OPTC: variants seen among roughly 807,000 people sequenced by gnomAD.
The protein encoded by OPTC is opticin, also known as oculoglycan.
A neutral mutation model predicts 25.4 loss-of-function variants in OPTC; 22 were observed. The observed-to-expected ratio is 0.87, with a 90% CI of 0.62 to 1.24. OPTC has a LOEUF of 1.24. Ranked by LOEUF, OPTC falls within the 50% of genes most tolerant of loss-of-function variation. The pLI, the probability that OPTC is intolerant of heterozygous loss-of-function variation, is 0.00. For missense variants in OPTC, 417 were observed against 425.2 expected (o/e 0.98, Z 0.17); for synonymous variants, 169 against 179.3 (o/e 0.94, Z 0.46).
In OPTC at chr1:203,498,676, G is replaced by T. The variant is rs542443235; in HGVS notation, c.371-5G>T. On this transcript the variant is annotated splice_region_variant and splice_polypyrimidine_tract_variant and intron_variant, in intron 3 of 7. Coordinates refer to ENST00000367222, the MANE Select transcript of OPTC (RefSeq NM_014359.4). ...TCCCTTTGTTCTGTCTTCCACCTGG[G>T]CCAGGTCTGCCCACCTGCCTGGTCT... 3.1e-6 allele frequency: 5 copies of T among 1,614,164 alleles called. No homozygotes were observed. The South Asian group carries it at 5.5e-5, about 18-fold the overall frequency.
chr1:203,497,723 T>C (rs1193955217), intron 3 of OPTC, among the ~76,000 whole-genome samples: 2 of 152,124 alleles, frequency 1.3e-5, no homozygotes, highest in African/African-American at 4.8e-5. Flanking sequence ...GATGTTTGCC[T>C]TGGGTGGACC....
chr1:203,496,723 G>C (rs1661287214), intron 2 of OPTC, among the ~76,000 whole-genome samples: 1 of 152,038 alleles, frequency 6.6e-6, no homozygotes. Flanking sequence ...TCTCTGCCTT[G>C]ACCACCTGCT....
At chr1:203,495,897 G>C (rs1315466132) in intron 1 of OPTC, 68 bp from the exon 2 acceptor site, 9 of 759,292 alleles carry the variant, frequency 1.2e-5, no homozygotes, top group Non-Finnish European at 2.1e-5. Flanking sequence ...AAATCTGCGA[G>C]CCATTCCCAC....
Position 203,496,224 on chromosome 1 carries a change from C to G in OPTC, c.219C>G (p.Asp73Glu). Reference protein sequence around the residue: ...SNYEELTDYGDQLPEVKVTSL... With the variant: ...SNYEELTDYGEQLPEVKVTSL... ...ATGAGGAGCTCACAGATTATGGGGACCAACTCCCCGAGGTGAGGGACACAG... is the reference window on the plus strand; with the variant it reads ...ATGAGGAGCTCACAGATTATGGGGAGCAACTCCCCGAGGTGAGGGACACAG... Residue 73 changes from aspartate to glutamate, a missense_variant, in exon 2 of 8, where the codon GAC becomes GAG. Transcript: ENST00000367222. 5 of 1,612,392 alleles carry G rather than the reference C, an allele frequency of 3.1e-6. No homozygotes were observed. The highest frequency in any genetic ancestry group is 4.2e-6 in the Non-Finnish European group (5 of 1,178,504).
intron 2 of OPTC, 34 bp downstream of exon 2, chr1:203,496,270 C>A: frequency 6.8e-7 from 1 of 1,477,580 alleles, no homozygotes; most frequent in Non-Finnish European, 9.5e-7. Flanking sequence ...ACATTCCCTG[C>A]ATGACACTGG....
intron 7 of OPTC, among the ~76,000 whole-genome samples, chr1:203,505,943 T>G (rs1571603261): frequency 7.4e-6 from 1 of 134,786 alleles, no homozygotes; most frequent in African/African-American, 2.7e-5. Flanking sequence ...TGTCTCTCTC[T>G]CTCTCAGAGT....
At chr1:203,503,239 C>T (rs1661420753) in intron 6 of OPTC, among the ~76,000 whole-genome samples, 2 of 152,176 alleles carry the variant, frequency 1.3e-5, no homozygotes, top group Admixed American at 1.3e-4. Flanking sequence ...CTCCCTCCAC[C>T]ATTTTATTTT....
intron 7 of OPTC, among the ~76,000 whole-genome samples, chr1:203,506,687 C>T (rs1661495163): frequency 6.6e-6 from 1 of 152,140 alleles, no homozygotes; most frequent in African/African-American, 2.4e-5. Context: ...CATTTAATTC[C>T]AGCAAAAACC....
chr1:203,498,200 G>T (rs1038597036), intron 3 of OPTC, among the ~76,000 whole-genome samples: 1 of 152,196 alleles, frequency 6.6e-6, no homozygotes, highest in Non-Finnish European at 1.5e-5. Context: ...AGGGGAAGTG[G>T]TTGCTGGGTA....
At chr1:203,494,448 C>T (rs1444985038) in intron 1 of OPTC, among the ~76,000 whole-genome samples, 1 of 152,118 alleles carries the variant, frequency 6.6e-6, no homozygotes, top group Non-Finnish European at 1.5e-5. Flanking sequence ...CCTCTTGCTA[C>T]TGCTAGAGGC....
chr1:203,500,084 A>T (rs950721852), intron 5 of OPTC, among the ~76,000 whole-genome samples: 4 of 2,952 alleles, frequency 1.4e-3, no homozygotes, highest in Non-Finnish European at 1.6e-3. Flanking sequence ...TACCACCACC[A>T]CCACCACCCA....
chr1:203,496,338 C>T, intron 2 of OPTC, 102 bp downstream of exon 2: 1 of 794,018 alleles, frequency 1.3e-6, no homozygotes, highest in Non-Finnish European at 2.2e-6. Flanking sequence ...CCAGCCTCCA[C>T]CTCTTTCTCT....
chr1:203,499,167 T>C (rs948882229), intron 4 of OPTC, among the ~76,000 whole-genome samples: 2 of 152,146 alleles, frequency 1.3e-5, no homozygotes, highest in Non-Finnish European at 2.9e-5. Flanking sequence ...CAGTCTTAAA[T>C]CTACTCTCCA....
chr1:203,498,236 T>C (rs1021783075), intron 3 of OPTC, among the ~76,000 whole-genome samples: 1 of 152,316 alleles, frequency 6.6e-6, no homozygotes, highest in South Asian at 2.1e-4. Flanking sequence ...CTTGGTTCTA[T>C]TGTGCTTCTT....
intron 3 of OPTC, among the ~76,000 whole-genome samples, chr1:203,497,895 C>G (rs536679457): frequency 6.6e-6 from 1 of 152,318 alleles, no homozygotes; most frequent in African/African-American, 2.4e-5. Context: ...TCTACCCACT[C>G]CTCCTGGTCA....
At position 203,496,969 on chromosome 1, in the gene OPTC, A is replaced by C; in HGVS notation, c.232-8A>C. On this transcript the variant is annotated splice_polypyrimidine_tract_variant and splice_region_variant and intron_variant, in intron 2 of 7. Transcript: ENST00000367222. ...TGGGCTACTGTGTACTCTGTGCTACATCTCCAGGTTAAGGTGACTAGCCTC... is the reference window on the plus strand; with the variant it reads ...TGGGCTACTGTGTACTCTGTGCTACCTCTCCAGGTTAAGGTGACTAGCCTC... 1 of 1,614,032 alleles carries C rather than the reference A, an allele frequency of 6.2e-7. No individual in the cohort carries two copies. Among genetic ancestry groups the C allele is most frequent in the South Asian group, 1.1e-5 (1 of 91,070 alleles).
intron 7 of OPTC, among the ~76,000 whole-genome samples, chr1:203,505,752 C>T (rs562145794): frequency 1.3e-5 from 2 of 152,118 alleles, no homozygotes; most frequent in Non-Finnish European, 2.9e-5. Context: ...ATGGTACCTA[C>T]CCTCACTCCC....
intron 2 of OPTC, among the ~76,000 whole-genome samples, chr1:203,496,604 C>A (rs778484237): frequency 6.6e-6 from 1 of 152,182 alleles, no homozygotes; most frequent in African/African-American, 2.4e-5. Flanking sequence ...GCCTTCACTG[C>A]AGCAGCGTGG....
chr1:203,504,678 G>A (rs2102225673), intron 7 of OPTC, among the ~76,000 whole-genome samples: 1 of 152,298 alleles, frequency 6.6e-6, no homozygotes, highest in South Asian at 2.1e-4. Context: ...TTTGGAGGGA[G>A]CCATTCATAA....
Sources: gnomAD v4.1 joint callset for allele counts (sites outside exome capture counted in the v4.1 genomes callset) on GRCh38, gnomAD v4.1.1 for gene constraint, MANE v1.5 for transcripts, NCBI Gene and HGNC (gene_info 2026-07-23, HGNC 2026-07-21) for gene names.